ACBD6: variants seen among roughly 807,000 people sequenced by gnomAD.
The protein encoded by ACBD6 is acyl-CoA-binding domain-containing protein 6.
Under a neutral mutation model 37.2 loss-of-function variants are expected in ACBD6, and 28 were observed. The observed-to-expected ratio is 0.75, with a 90% CI of 0.56 to 1.03. The LOEUF is 1.03. ACBD6 is among the 50% of genes least tolerant of loss of function. ACBD6 has a pLI of 0.00. For synonymous variants in ACBD6, 113 were observed against 126.8 expected (o/e 0.89, Z 0.73); for missense variants, 340 against 337.4 (o/e 1.01, Z -0.06).
chr1:180,295,763 A>G (rs562060138), intron 7 of ACBD6, among the ~76,000 whole-genome samples: 1 of 152,234 alleles, frequency 6.6e-6, no homozygotes, highest in East Asian at 1.9e-4. Flanking sequence ...TTCATCAATC[A>G]ATGTTTTATG....
At chr1:180,372,702 C>A (rs1653304152) in intron 6 of ACBD6, among the ~76,000 whole-genome samples, 2 of 152,210 alleles carry the variant, frequency 1.3e-5, no homozygotes, top group South Asian at 4.1e-4. Context: ...AAGTAGAAGT[C>A]ACTTGGAATT....
At chr1:180,471,402 G>GA (rs10682632) in intron 3 of ACBD6, among the ~76,000 whole-genome samples, 121,880 of 139,494 alleles carry the variant, frequency 0.87, 53,373 homozygotes, top group East Asian at 0.95. Context: ...AGATTTTAAG[G>GA]AAAAAAAAAA....
chr1:180,284,469 T>C (rs1649410420), downstream of ACBD6, among the ~76,000 whole-genome samples: 1 of 152,020 alleles, frequency 6.6e-6, no homozygotes, highest in African/African-American at 2.4e-5. Context: ...GTTCAAGTGA[T>C]TCTCCTGCCT....
rs138416536 is a variant in ACBD6, at chr1:180,502,122, C to G, written c.145G>C (p.Ala49Pro). ...TSCLAELFEK[A>P]AAHLQGLIQV... ...ATCAGGCCTTGCAGGTGCGCGGCAG[C>G]CTTCTCAAACAGCTCGGCCAGGCAA... The change falls in exon 1 of 8, where the codon GCT becomes CCT. Residue 49 changes from alanine (A) to proline (P), a missense_variant. Ala to Pro is a conservative substitution (Grantham distance 27, BLOSUM62 -1). Transcript: ENST00000367595. 6.2e-7 allele frequency: 1 copy of G among 1,614,048 alleles called. No homozygotes were observed. The highest frequency in any genetic ancestry group is 8.5e-7 in the Non-Finnish European group (1 of 1,179,974).
intron 8 of ACBD6, among the ~76,000 whole-genome samples, chr1:180,282,665 A>AG (rs1178504645): frequency 6.6e-6 from 1 of 152,160 alleles, no homozygotes; most frequent in Non-Finnish European, 1.5e-5. Context: ...CTTTTTCGAC[A>AG]CCTGTCAACT....
intron 6 of ACBD6, among the ~76,000 whole-genome samples, chr1:180,376,794 C>T (rs554436627): frequency 4.6e-5 from 7 of 152,208 alleles, no homozygotes; most frequent in East Asian, 3.9e-4. Context: ...TCTATTTATA[C>T]GCCTCTGATG....
At chr1:180,425,749 C>T (rs72714887) in intron 4 of ACBD6, among the ~76,000 whole-genome samples, 24,041 of 152,084 alleles carry the variant, frequency 0.16, 1,967 homozygotes, top group Middle Eastern at 0.22. Context: ...AAACTATACA[C>T]GTTACAGCTT....
chr1:180,325,596 G>C (rs985773539), intron 6 of ACBD6, among the ~76,000 whole-genome samples: 1 of 152,052 alleles, frequency 6.6e-6, no homozygotes, highest in Non-Finnish European at 1.5e-5. Context: ...GTGAGGTTGT[G>C]TTTCCCTGGA....
intron 7 of ACBD6, among the ~76,000 whole-genome samples, chr1:180,307,671 T>A (rs778651765): frequency 6.6e-6 from 1 of 152,100 alleles, no homozygotes; most frequent in African/African-American, 2.4e-5. Context: ...ATAAAAAAAT[T>A]AGGCTGGGTA....
intron 6 of ACBD6, among the ~76,000 whole-genome samples, chr1:180,383,446 TA>T (rs570019256): frequency 1.3e-5 from 2 of 151,282 alleles, no homozygotes; most frequent in South Asian, 2.1e-4. Context: ...ACAATAGCTA[TA>T]AAAAAAATAC....
At chr1:180,493,419 T>C (rs998521792) in intron 2 of ACBD6, among the ~76,000 whole-genome samples, 4 of 152,008 alleles carry the variant, frequency 2.6e-5, no homozygotes, top group South Asian at 2.1e-4. Context: ...GGACAGGCCT[T>C]CTTCTTGGTT....
At chr1:180,331,635 A>G (rs1167068298) in intron 6 of ACBD6, among the ~76,000 whole-genome samples, 1 of 152,172 alleles carries the variant, frequency 6.6e-6, no homozygotes, top group African/African-American at 2.4e-5. Flanking sequence ...GATTGTTTAA[A>G]CCAGGGGGAT....
intron 3 of ACBD6, among the ~76,000 whole-genome samples, chr1:180,463,793 G>T (rs1258562017): frequency 6.6e-6 from 1 of 152,104 alleles, no homozygotes; most frequent in Non-Finnish European, 1.5e-5. Flanking sequence ...ATGAACATCA[G>T]TGCAAAATCC....
At chr1:180,461,736 A>T (rs531739687) in intron 3 of ACBD6, among the ~76,000 whole-genome samples, 37 of 152,114 alleles carry the variant, frequency 2.4e-4, no homozygotes, top group Non-Finnish European at 1.2e-4. Context: ...TTAGCACCCA[A>T]CATGCCTTGC....
intron 6 of ACBD6, among the ~76,000 whole-genome samples, chr1:180,328,121 G>A (rs1423761606): frequency 6.6e-6 from 1 of 152,030 alleles, no homozygotes; most frequent in Non-Finnish European, 1.5e-5. Context: ...TGGTAACACT[G>A]CTGTTTCTTC....
intron 3 of ACBD6, among the ~76,000 whole-genome samples, chr1:180,436,964 T>A (rs1318200743): frequency 6.6e-6 from 1 of 152,168 alleles, no homozygotes; most frequent in African/African-American, 2.4e-5. Context: ...CAAGATGGTA[T>A]CCAGGCCAAT....
chr1:180,476,331 A>C (rs1342237259), intron 3 of ACBD6, among the ~76,000 whole-genome samples: 3 of 152,200 alleles, frequency 2.0e-5, no homozygotes, highest in African/African-American at 4.8e-5. Context: ...GAGCAGTAGG[A>C]TGTAAATAAC....
chr1:180,306,923 C>T (rs990262144), intron 7 of ACBD6, among the ~76,000 whole-genome samples: 1 of 152,144 alleles, frequency 6.6e-6, no homozygotes, highest in Non-Finnish European at 1.5e-5. Flanking sequence ...TAAATTAGTA[C>T]AATCACTATG....
At chr1:180,321,040 A>C (rs1651050602) in intron 6 of ACBD6, among the ~76,000 whole-genome samples, 1 of 152,134 alleles carries the variant, frequency 6.6e-6, no homozygotes, top group African/African-American at 2.4e-5. Flanking sequence ...CCGTTTATTA[A>C]AGAGGCTGTC....
Sources: allele counts gnomAD v4.1 joint callset (sites outside exome capture counted in the v4.1 genomes callset), GRCh38; gene constraint gnomAD v4.1.1; transcripts MANE v1.5; gene names NCBI Gene and HGNC (gene_info 2026-07-23, HGNC 2026-07-21).